PICALM: variants seen among roughly 807,000 people sequenced by gnomAD.
The protein encoded by PICALM is phosphatidylinositol binding clathrin assembly protein.
PICALM carries 40 observed loss-of-function variants against 80.5 expected under a neutral mutation model. The observed-to-expected ratio is 0.50, with a 90% CI of 0.39 to 0.65. The LOEUF (loss-of-function observed/expected upper bound fraction) is 0.65. Ranked by LOEUF, PICALM falls within the 30% of genes least tolerant of loss-of-function variation. PICALM has a pLI of 0.00. For synonymous variants in PICALM, 288 were observed against 260.3 expected, an observed-to-expected ratio of 1.11 and a Z score of -1.02; for missense variants, 676 against 778.9, an observed-to-expected ratio of 0.87 and a Z score of 1.57.
intron 9 of PICALM, 84 bp from the exon 10 acceptor site, chr11:86,001,242 G>A (rs1592756555): frequency 7.9e-7 from 1 of 1,273,378 alleles, no homozygotes; most frequent in East Asian, 2.3e-5. Context: ...TGGCAACCTT[G>A]CCATGGATAG....
chr11:86,015,441 C>A (rs1785503854), intron 4 of PICALM, among the ~76,000 whole-genome samples: 1 of 152,168 alleles, frequency 6.6e-6, no homozygotes, highest in African/African-American at 2.4e-5. Flanking sequence ...CATGACCCAA[C>A]AGCAATGGCT....
intron 4 of PICALM, 34 bp downstream of exon 4, chr11:86,022,333 A>G (rs764419698): frequency 1.8e-6 from 2 of 1,132,772 alleles, no homozygotes; most frequent in African/African-American, 1.6e-5. Flanking sequence ...TTAAAAATTC[A>G]AATCAATTAG....
intron 17 of PICALM, among the ~76,000 whole-genome samples, chr11:85,977,351 CTA>C (rs1389706558): frequency 2.0e-5 from 3 of 152,190 alleles, no homozygotes; most frequent in Admixed American, 6.5e-5. Context: ...CCATCTATCA[CTA>C]TGATGTTTAA....
At chr11:86,029,214 A>G (rs2095706426) in intron 2 of PICALM, among the ~76,000 whole-genome samples, 1 of 151,834 alleles carries the variant, frequency 6.6e-6, no homozygotes, top group Admixed American at 6.6e-5. Flanking sequence ...CATCCCCTTC[A>G]GTTGTGACAA....
chr11:85,964,427 A>G (rs1430887129), intron 19 of PICALM, among the ~76,000 whole-genome samples: 1 of 152,196 alleles, frequency 6.6e-6, no homozygotes, highest in Non-Finnish European at 1.5e-5. Context: ...AGAAAGATGG[A>G]ACTGAATCTA....
In PICALM at chr11:86,001,079, G is replaced by T; in HGVS notation, c.973C>A (p.Gln325Lys). ...GCCTGTTCTTCCTCTAATGCTGCCT[G>T]CTTTTCCCTTTCATCCACTTTGGTC... ...SLTKVDEREK[Q>K]AALEEEQARL... Residue 325 changes from glutamine (Q) to lysine (K), a missense_variant, in exon 10 of 20, where the codon CAG (glutamine) becomes AAG (lysine). Around this residue, in one of 2 missense-constraint regions of PICALM, gnomAD observed 285 missense variants for 395.4 expected, o/e 0.72. Coordinates refer to ENST00000393346, the MANE Select transcript of PICALM (RefSeq NM_007166.4). The T allele has an allele frequency of 6.2e-7, 1 of 1,614,108 alleles. No individual in the cohort carries two copies. The highest frequency in any genetic ancestry group is 8.5e-7 in the Non-Finnish European group (1 of 1,179,974).
At chr11:86,059,900 C>G (rs749289892) in intron 1 of PICALM, among the ~76,000 whole-genome samples, 2 of 151,626 alleles carry the variant, frequency 1.3e-5, no homozygotes, top group African/African-American at 2.4e-5. Flanking sequence ...GACAAATAAT[C>G]AAGAGTTCCA....
At chr11:85,986,363 TAA>T (rs1253048115) in intron 13 of PICALM, among the ~76,000 whole-genome samples, 6 of 138,856 alleles carry the variant, frequency 4.3e-5, no homozygotes, top group African/African-American at 1.3e-4. Flanking sequence ...TGCCAACTTT[TAA>T]TTTTTTTTTT....
intron 1 of PICALM, among the ~76,000 whole-genome samples, chr11:86,039,125 T>C (rs1300283064): frequency 7.5e-6 from 1 of 132,792 alleles, no homozygotes; most frequent in Non-Finnish European, 1.6e-5. Context: ...AAAAAAAAAG[T>C]GCAGCTGTAG....
intron 1 of PICALM, among the ~76,000 whole-genome samples, chr11:86,033,369 T>C (rs2095792725): frequency 6.6e-6 from 1 of 152,004 alleles, no homozygotes; most frequent in Non-Finnish European, 1.5e-5. Flanking sequence ...TGATCTGTTC[T>C]TCCCCCCACT....
intron 1 of PICALM, among the ~76,000 whole-genome samples, chr11:86,037,852 C>T (rs1254574752): frequency 1.3e-5 from 2 of 152,112 alleles, no homozygotes; most frequent in African/African-American, 4.8e-5. Context: ...GGAACTATAA[C>T]ACTGTTACTT....
At chr11:86,063,032 G>A (rs1324622569) in intron 1 of PICALM, among the ~76,000 whole-genome samples, 1 of 152,136 alleles carries the variant, frequency 6.6e-6, no homozygotes, top group African/African-American at 2.4e-5. Context: ...TTTTAAGTGA[G>A]AAACCATGAA....
chr11:86,069,069 G>A lies in PICALM; in HGVS notation c.-289C>T, dbSNP rs192903423. On this transcript the variant is annotated 5_prime_UTR_variant, in exon 1 of 20. Coordinates refer to ENST00000393346, the MANE Select transcript of PICALM (RefSeq NM_007166.4). ...CCGGGCAGGGTAAGAGGAACAGGCAGCTGCAGGAAAATGGCGGCGCCAGGC... is the reference window on the plus strand; with the variant it reads ...CCGGGCAGGGTAAGAGGAACAGGCAACTGCAGGAAAATGGCGGCGCCAGGC... 2.0e-3 allele frequency: 709 copies of A among 351,742 alleles called. 6 individuals are homozygous for A. Among genetic ancestry groups the A allele is most frequent in the African/African-American group, 0.014 (645 of 47,624 alleles). The allele number at this position is 351,742 out of a possible 1,614,324, so 21.8% of individuals were successfully genotyped here.
chr11:85,981,255 TA>T (rs769520760), intron 16 of PICALM, 27 bp from the exon 17 acceptor site: 9 of 1,169,806 alleles, frequency 7.7e-6, no homozygotes, highest in Non-Finnish European at 1.0e-5. Context: ...GTGAGAATAT[TA>T]AATGTCTCTA....
At position 85,982,423 on chromosome 11, in the gene PICALM, C is replaced by CTTTTCTTTTTTTT. The variant is rs1555034094; in HGVS notation, c.1517-421_1517-420insAAAAAAAAGAAAA. Among the ~76,000 whole-genome samples, 5 of 70,168 alleles carry CTTTTCTTTTTTTT rather than the reference C, an allele frequency of 7.1e-5. No individual in the cohort carries two copies. The East Asian group carries it at 1.8e-3, about 25-fold the overall frequency. 46.0% of individuals were successfully genotyped at this position (70,168 alleles called of 152,430 possible). A position where few individuals can be genotyped will look rare whatever the true frequency, so the allele number is the denominator to read the frequency against. On this transcript the variant is annotated intron_variant, in intron 14 of 19. Coordinates refer to ENST00000393346, the MANE Select transcript of PICALM (RefSeq NM_007166.4). Reference sequence around the variant, plus strand: ...ACGTTAAGAAATAAGATTTTATAGACTTTTTTTTTTTTTTTGAGACGGAGT... The same window carrying CTTTTCTTTTTTTT: ...ACGTTAAGAAATAAGATTTTATAGACTTTTCTTTTTTTTTTTTTTTTTTTTTTTGAGACGGAGT...
intron 13 of PICALM, among the ~76,000 whole-genome samples, chr11:85,990,008 C>CAAAAAAAAAAAAAAAAAAAAAAA (rs5793177): frequency 1.1e-5 from 1 of 89,334 alleles, no homozygotes; most frequent in African/African-American, 4.6e-5. Flanking sequence ...AACCAAACAC[C>CAAAAAAAAAAAAAAAAAAAAAAA]AAAAAAAAAA....
chr11:86,015,654 T>C (rs1592941100), intron 4 of PICALM, among the ~76,000 whole-genome samples: 1 of 152,290 alleles, frequency 6.6e-6, no homozygotes, highest in South Asian at 2.1e-4. Context: ...AACCAGTACA[T>C]GAAAGGTACT....
At chr11:86,047,510 A>C (rs181560566) in intron 1 of PICALM, among the ~76,000 whole-genome samples, 749 of 152,368 alleles carry the variant, frequency 4.9e-3, no homozygotes, top group Non-Finnish European at 5.5e-3. Context: ...GTCAGAGAAC[A>C]AACTAAATCA....
chr11:85,958,814 G>A lies in PICALM; in HGVS notation c.*232C>T, dbSNP rs2093592656. On this transcript the variant is annotated 3_prime_UTR_variant, in exon 20 of 20. Transcript: ENST00000393346. ...TGAAGGGTTAGTCACCAAAAAGACA[G>A]ATCTTAGTCTTAAATCATAGCAATT... 2 of 412,100 alleles carry A rather than the reference G, an allele frequency of 4.9e-6. No individual in the cohort carries two copies. Among genetic ancestry groups the A allele is most frequent in the East Asian group, 6.8e-5 (2 of 29,448 alleles). 25.5% of individuals were successfully genotyped at this position (412,100 alleles called of 1,614,324 possible). A position where few individuals can be genotyped will look rare whatever the true frequency, so the allele number is the denominator to read the frequency against.
Sources: allele counts gnomAD v4.1 joint callset (sites outside exome capture counted in the v4.1 genomes callset), GRCh38; gene constraint gnomAD v4.1.1; regional missense constraint gnomAD v4.1.1; transcripts MANE v1.5; gene names NCBI Gene and HGNC (gene_info 2026-07-23, HGNC 2026-07-21).